Variants in ZNF236 observed in about 807,000 individuals in gnomAD.
The protein encoded by ZNF236 is regulated by glucose.
In ZNF236, 50 loss-of-function variants were observed where a neutral mutation model predicts 191.2. That is an observed-to-expected ratio of 0.26 (90% CI 0.21 to 0.33). The LOEUF (loss-of-function observed/expected upper bound fraction) is 0.33, where lower values mean the gene tolerates loss of function less well. Among genes scored for constraint, ZNF236 ranks in the 10% least tolerant of loss-of-function variants. The probability of loss-of-function intolerance (pLI) is 1.00; values close to 1 mark genes in which losing one functional copy is unlikely to be tolerated. For missense variants in ZNF236, 1,754 were observed against 2,374.5 expected, an observed-to-expected ratio of 0.74 and a Z score of 5.43; for synonymous variants, 907 against 928.8, an observed-to-expected ratio of 0.98 and a Z score of 0.43.
At chr18:76,953,922 G>C (rs470389) in intron 27 of ZNF236, among the ~76,000 whole-genome samples, 75,227 of 151,968 alleles carry the variant, frequency 0.5, 20,484 homozygotes, top group Non-Finnish European at 0.61. Flanking sequence ...TGCTTGGGAG[G>C]GGGTGGACAT....
At chr18:76,827,078 T>G (rs548953777) in intron 1 of ZNF236, among the ~76,000 whole-genome samples, 17 of 152,072 alleles carry the variant, frequency 1.1e-4, no homozygotes, top group African/African-American at 4.1e-4. Flanking sequence ...GTATTTTTAG[T>G]AGAGATGGGG....
chr18:76,942,388 CTTA>C, intron 26 of ZNF236, among the ~76,000 whole-genome samples: 1 of 152,104 alleles, frequency 6.6e-6, no homozygotes, highest in East Asian at 1.9e-4. Flanking sequence ...GTCATGTAAA[CTTA>C]TTATGTATTA....
In ZNF236 at chr18:76,914,730, T is replaced by G. The variant is rs538795730; in HGVS notation, c.3061+832T>G. Among the ~76,000 whole-genome samples, 3 of 152,326 alleles carry G rather than the reference T, an allele frequency of 2.0e-5. No individual in the cohort carries two copies. In the East Asian group the frequency reaches 5.8e-4, roughly 29 times the overall value. ...CCATTTTAAAATTGGATTATTTGCC[T>G]TATTGAGTTGTAAGAGGTTTTTATA... On this transcript the variant is annotated intron_variant, in intron 18 of 30. Transcript: ENST00000320610.
At chr18:76,847,028 G>A (rs1975706748) in intron 1 of ZNF236, among the ~76,000 whole-genome samples, 1 of 151,378 alleles carries the variant, frequency 6.6e-6, no homozygotes, top group Admixed American at 6.6e-5. Context: ...CCTGACCTCT[G>A]GTGATCCACC....
chr18:76,830,716 C>T (rs1027386056), intron 1 of ZNF236, among the ~76,000 whole-genome samples: 4 of 152,150 alleles, frequency 2.6e-5, no homozygotes, highest in African/African-American at 9.7e-5. Context: ...TCAAAGCCGT[C>T]CTGGGCTGCA....
At chr18:76,867,839 T>A (rs536366777) in intron 3 of ZNF236, among the ~76,000 whole-genome samples, 49 of 152,238 alleles carry the variant, frequency 3.2e-4, no homozygotes, top group Middle Eastern at 3.4e-3. Flanking sequence ...AGGCTCAGGG[T>A]GGGCAACACA....
chr18:76,954,832 G>A (rs1031987684), intron 27 of ZNF236, among the ~76,000 whole-genome samples: 2 of 152,160 alleles, frequency 1.3e-5, no homozygotes, highest in Admixed American at 6.5e-5. Context: ...CACATCTCAC[G>A]AGGCTGCAAT....
intron 1 of ZNF236, among the ~76,000 whole-genome samples, chr18:76,844,636 CTG>C (rs1195477043): frequency 2.0e-5 from 3 of 152,264 alleles, no homozygotes; most frequent in Non-Finnish European, 4.4e-5. Flanking sequence ...TTATGGATAA[CTG>C]AGATTTTAAA....
intron 25 of ZNF236, among the ~76,000 whole-genome samples, chr18:76,934,359 C>G (rs1373332137): frequency 6.6e-6 from 1 of 152,212 alleles, no homozygotes; most frequent in African/African-American, 2.4e-5. Flanking sequence ...AAAAAGTGAT[C>G]CCATAGAATG....
chr18:76,958,714 C>T (rs1968586645), intron 28 of ZNF236, among the ~76,000 whole-genome samples: 1 of 152,164 alleles, frequency 6.6e-6, no homozygotes, highest in African/African-American at 2.4e-5. Flanking sequence ...TGTCACTGGT[C>T]AGGCCTCACC....
At chr18:76,943,337 C>T (rs1470918466) in intron 26 of ZNF236, among the ~76,000 whole-genome samples, 3 of 152,156 alleles carry the variant, frequency 2.0e-5, no homozygotes, top group Non-Finnish European at 2.9e-5. Context: ...ACTTTAGACT[C>T]TTCAGGGGTG....
rs149032253 is a variant in ZNF236, at chr18:76,872,290, G to A, written c.667+465G>A. On this transcript the variant is annotated intron_variant, in intron 5 of 30. Coordinates refer to ENST00000320610, the MANE Select transcript of ZNF236 (RefSeq NM_001306089.2). Reference sequence around the variant, plus strand: ...CAAGCCAGGAGTTCAAGACTAGCACGGGCAACATAGCGAGATCCTGTCTTT... The same window carrying A: ...CAAGCCAGGAGTTCAAGACTAGCACAGGCAACATAGCGAGATCCTGTCTTT... Among the ~76,000 whole-genome samples, 839 of 152,234 alleles carry A rather than the reference G, an allele frequency of 5.5e-3. 4 individuals carry two copies. The highest frequency in any genetic ancestry group is 0.019 in the African/African-American group (775 of 41,534).
chr18:76,849,770 T>TTA, intron 2 of ZNF236, 102 bp downstream of exon 2: 7 of 1,092,152 alleles, frequency 6.4e-6, no homozygotes, highest in Non-Finnish European at 8.6e-6. Context: ...GGTTCCTAAA[T>TTA]AGTAGAACAT....
At chr18:76,830,235 C>A (rs1975130193) in intron 1 of ZNF236, among the ~76,000 whole-genome samples, 2 of 152,112 alleles carry the variant, frequency 1.3e-5, no homozygotes. Context: ...TGGCTTGATT[C>A]ATTCAATATT....
rs760314710 is a variant in ZNF236, at chr18:76,919,965, G to A, written c.3464G>A (p.Arg1155Lys). The stretch of plus-strand genomic sequence containing the variant: ...GAAAAGGACCGCATCAGTGAGCTGA[G>A]GGACAAGCAGGCGGAGCTGCAGGAC... The part of the protein sequence containing the change: ...AAEKDRISEL[R>K]DKQAELQDEP... The change falls in exon 20 of 31, where the codon AGG becomes AAG. Residue 1155 changes from arginine (R) to lysine (K), a missense_variant. Arg to Lys is a conservative substitution (Grantham distance 26, BLOSUM62 2). Around this residue, in one of 5 missense-constraint regions of ZNF236, gnomAD observed 641 missense variants for 869.6 expected, o/e 0.74. Coordinates refer to ENST00000320610, the MANE Select transcript of ZNF236 (RefSeq NM_001306089.2). This position sits in a 1 kb window ranked among gnomAD's most constrained non-coding sequence, Gnocchi z 5.3. The A allele has an allele frequency of 1.2e-6, 2 of 1,614,060 alleles. No individual in the cohort carries two copies. Among genetic ancestry groups the A allele is most frequent in the Non-Finnish European group, 1.7e-6 (2 of 1,180,028 alleles).
At chr18:76,872,469 T>G (rs1488581706) in intron 5 of ZNF236, among the ~76,000 whole-genome samples, 1 of 152,156 alleles carries the variant, frequency 6.6e-6, no homozygotes, top group Admixed American at 6.5e-5. Flanking sequence ...TCCTGACTCT[T>G]AAAAATAATA....
Position 76,925,543 on chromosome 18 carries a change from C to T in ZNF236, c.4016C>T (p.Ala1339Val), listed in dbSNP as rs1298043516. 6.2e-7 allele frequency: 1 copy of T among 1,612,650 alleles called. No homozygotes were observed. The highest frequency in any genetic ancestry group is 8.5e-7 in the Non-Finnish European group (1 of 1,179,924). Residue 1339 changes from alanine (A) to valine (V), a missense_variant, in exon 22 of 31, where the codon GCC becomes GTC. Ala to Val is a moderately conservative substitution (Grantham distance 64, BLOSUM62 0). This residue lies in a region of ZNF236 where 606 missense variants were observed against 761.5 expected (regional missense o/e 0.80). Transcript: ENST00000320610. This position sits in a 1 kb window ranked among gnomAD's most constrained non-coding sequence, Gnocchi z 5.7. ...PGLVGQAILP[A>V]SVSAGGDLTV... ...CTGGTGGGCCAAGCTATTCTCCCTGCCTCTGTGTCAGGTAAACGCTGAGCC... is the reference window on the plus strand; with the variant it reads ...CTGGTGGGCCAAGCTATTCTCCCTGTCTCTGTGTCAGGTAAACGCTGAGCC...
intron 3 of ZNF236, among the ~76,000 whole-genome samples, chr18:76,867,898 G>C (rs1976460616): frequency 6.6e-6 from 1 of 151,878 alleles, no homozygotes; most frequent in Non-Finnish European, 1.5e-5. Context: ...GGTGAACCTA[G>C]ACCCAGCTGT....
At position 76,883,950 on chromosome 18, in the gene ZNF236, A is replaced by G. The variant is rs937019163; in HGVS notation, c.1417+2438A>G. 1.2e-3 allele frequency among the ~76,000 whole-genome samples: 176 copies of G among 152,320 alleles called. 1 individual carries two copies. The highest frequency in any genetic ancestry group is 9.6e-4 in the East Asian group (5 of 5,182). On this transcript the variant is annotated intron_variant, in intron 9 of 30. Coordinates refer to ENST00000320610, the MANE Select transcript of ZNF236 (RefSeq NM_001306089.2). ...GTTCCTAAGTTAAGCATACTCCGCCATGTAAAATTATTGCTTTTGATTTAT... is the reference window on the plus strand; with the variant it reads ...GTTCCTAAGTTAAGCATACTCCGCCGTGTAAAATTATTGCTTTTGATTTAT...
Sources: allele counts gnomAD v4.1 joint callset (sites outside exome capture counted in the v4.1 genomes callset), GRCh38; gene constraint gnomAD v4.1.1; regional missense constraint gnomAD v4.1.1; non-coding constraint Gnocchi (gnomAD v3.1); transcripts MANE v1.5; gene names NCBI Gene and HGNC (gene_info 2026-07-23, HGNC 2026-07-21).